The following PLXDC2 variants were observed in gnomAD, a reference collection of about 807,000 sequenced individuals.
The protein encoded by PLXDC2 is plexin domain-containing protein 2.
In PLXDC2, 40 loss-of-function variants were observed where a neutral mutation model predicts 68.9. The ratio of observed to expected loss-of-function variants is 0.58; its 90% CI spans 0.45 to 0.76. The LOEUF (loss-of-function observed/expected upper bound fraction) is 0.76. PLXDC2 is among the 30% of genes least tolerant of loss of function. The pLI is 0.00. For synonymous variants in PLXDC2, 243 were observed against 234.2 expected, an observed-to-expected ratio of 1.04 and a Z score of -0.34; for missense variants, 644 against 661.9, an observed-to-expected ratio of 0.97 and a Z score of 0.30.
At chr10:19,984,728 G>A (rs754640777) in intron 1 of PLXDC2, among the ~76,000 whole-genome samples, 5 of 152,126 alleles carry the variant, frequency 3.3e-5, no homozygotes, top group Non-Finnish European at 5.9e-5. Context: ...TGACAACAGT[G>A]TTTCTTCAAG....
chr10:19,910,274 G>T (rs1340549584), intron 1 of PLXDC2, among the ~76,000 whole-genome samples: 4 of 151,674 alleles, frequency 2.6e-5, no homozygotes, highest in Non-Finnish European at 5.9e-5. Flanking sequence ...AGGGAGTCAG[G>T]ATGCTGCTGC....
chr10:19,898,783 T>C (rs1255568479), intron 1 of PLXDC2, among the ~76,000 whole-genome samples: 2 of 152,128 alleles, frequency 1.3e-5, no homozygotes, highest in Admixed American at 6.6e-5. Context: ...AAATTTCTTA[T>C]ACGCAACAGA....
chr10:20,023,149 A>G (rs1438958883), intron 2 of PLXDC2, among the ~76,000 whole-genome samples: 1 of 149,386 alleles, frequency 6.7e-6, no homozygotes, highest in East Asian at 1.9e-4. Context: ...CAATGTTTAT[A>G]TATATATATT....
chr10:19,828,662 T>TGGAGC (rs1836622528), intron 1 of PLXDC2, among the ~76,000 whole-genome samples: 1 of 152,238 alleles, frequency 6.6e-6, no homozygotes, highest in South Asian at 2.1e-4. Flanking sequence ...TGTCTGGACA[T>TGGAGC]TGCAAAACAG....
intron 1 of PLXDC2, among the ~76,000 whole-genome samples, chr10:20,000,268 GTTTTT>G (rs557279192): frequency 1.3e-5 from 2 of 148,844 alleles, no homozygotes; most frequent in South Asian, 4.3e-4. Context: ...ATGTACATGA[GTTTTT>G]TTTTTTGTTT....
chr10:19,845,929 C>T (rs969012578), intron 1 of PLXDC2, among the ~76,000 whole-genome samples: 1 of 152,136 alleles, frequency 6.6e-6, no homozygotes, highest in Non-Finnish European at 1.5e-5. Flanking sequence ...TCCTTGGTCC[C>T]GTTTTAGTTA....
At chr10:20,044,251 T>TTCTTTCTTTCTTTCTTTCTTTC (rs1835753418) in intron 2 of PLXDC2, among the ~76,000 whole-genome samples, 1 of 127,702 alleles carries the variant, frequency 7.8e-6, no homozygotes, top group Non-Finnish European at 1.6e-5. Flanking sequence ...CTTTCTTTCT[T>TTCTTTCTTTCTTTCTTTCTTTC]TCTTTCTTTC....
At chr10:19,870,422 A>G (rs942201661) in intron 1 of PLXDC2, among the ~76,000 whole-genome samples, 7 of 141,360 alleles carry the variant, frequency 5.0e-5, no homozygotes, top group African/African-American at 8.0e-5. Flanking sequence ...TATAATTACT[A>G]TTACTTTTTT....
chr10:20,260,249 T>C (rs2119364366), intron 13 of PLXDC2, among the ~76,000 whole-genome samples: 1 of 152,320 alleles, frequency 6.6e-6, no homozygotes, highest in South Asian at 2.1e-4. Flanking sequence ...TACTGTGCAA[T>C]GCAATGTTGT....
At position 19,822,184 on chromosome 10, in the gene PLXDC2, C is replaced by A. The variant is rs76916336; in HGVS notation, c.112+4993C>A. On this transcript the variant is annotated intron_variant, in intron 1 of 13. Coordinates refer to ENST00000377252, the MANE Select transcript of PLXDC2 (RefSeq NM_032812.9). ...ATAATGTATATACACTATATATGCA[C>A]TATATAGTATATATGCACTATATAT... is the stretch of plus-strand genomic sequence containing the variant. Among the ~76,000 whole-genome samples, 50 of 149,058 alleles carry A rather than the reference C, an allele frequency of 3.4e-4. No individual in the cohort carries two copies. In the East Asian group the frequency reaches 5.5e-3, roughly 16 times the overall value.
At chr10:20,258,469 T>C (rs1404745016) in intron 13 of PLXDC2, among the ~76,000 whole-genome samples, 1 of 152,188 alleles carries the variant, frequency 6.6e-6, no homozygotes, top group East Asian at 1.9e-4. Context: ...TTTTTAAGTA[T>C]TTACCTTCAC....
In PLXDC2 at chr10:20,142,507, A is replaced by G. The variant is rs148477130; in HGVS notation, c.542-788A>G. 2.0e-3 allele frequency among the ~76,000 whole-genome samples: 298 copies of G among 152,250 alleles called. 13 individuals are homozygous for G. The East Asian group carries it at 0.054, about 28-fold the overall frequency. On this transcript the variant is annotated intron_variant, in intron 4 of 13. Coordinates refer to ENST00000377252, the MANE Select transcript of PLXDC2 (RefSeq NM_032812.9). Reference sequence around the variant, plus strand: ...CATGGATAATCCACAAAGTAAATAAACCTAGTGTGAATAATTGAAAGTGGG... The same window carrying G: ...CATGGATAATCCACAAAGTAAATAAGCCTAGTGTGAATAATTGAAAGTGGG...
rs148244434 is a variant in PLXDC2, at chr10:19,939,639, C to T, written c.113-62136C>T. On this transcript the variant is annotated intron_variant, in intron 1 of 13. Transcript: ENST00000377252. ...TTAAAAGGGCTGAAAATTTTTCCCT[C>T]TTCCTTTTTCTCCCTTTGGAAAAAT... 4.4e-3 allele frequency among the ~76,000 whole-genome samples: 675 copies of T among 152,252 alleles called. 4 individuals carry two copies. Among genetic ancestry groups the T allele is most frequent in the African/African-American group, 0.016 (650 of 41,564 alleles).
chr10:20,037,496 C>T (rs767224076), intron 2 of PLXDC2, among the ~76,000 whole-genome samples: 1 of 152,154 alleles, frequency 6.6e-6, no homozygotes, highest in African/African-American at 2.4e-5. Flanking sequence ...TCTCCTAATG[C>T]TCTATCTCAT....
intron 1 of PLXDC2, among the ~76,000 whole-genome samples, chr10:19,823,695 C>G (rs1280135170): frequency 6.6e-6 from 1 of 151,560 alleles, no homozygotes; most frequent in Non-Finnish European, 1.5e-5. Flanking sequence ...TCTCATAAAA[C>G]TTGTTTTGAG....
intron 4 of PLXDC2, among the ~76,000 whole-genome samples, chr10:20,138,043 C>G (rs1041562640): frequency 1.3e-5 from 2 of 152,164 alleles, no homozygotes; most frequent in Non-Finnish European, 2.9e-5. Context: ...ATTATCTTAT[C>G]TGTTTTTGTT....
intron 1 of PLXDC2, among the ~76,000 whole-genome samples, chr10:19,911,512 G>T (rs1386866844): frequency 2.0e-5 from 3 of 152,120 alleles, no homozygotes; most frequent in African/African-American, 7.2e-5. Flanking sequence ...AAAAAAGTAG[G>T]TATCAGCTTC....
At position 20,217,509 on chromosome 10, in the gene PLXDC2, G is replaced by C. The variant is rs1835154873; in HGVS notation, c.1206G>C (p.Gln402His). 1.9e-6 allele frequency: 3 copies of C among 1,605,988 alleles called. No homozygotes were observed. Among genetic ancestry groups the C allele is most frequent in the Non-Finnish European group, 2.6e-6 (3 of 1,176,322 alleles). The change falls in exon 11 of 14, where the codon CAG becomes CAC. Residue 402 changes from glutamine to histidine, a missense_variant. This residue lies in a region of PLXDC2 where 330 missense variants were observed against 327.9 expected (regional missense o/e 1.01). Transcript: ENST00000377252. ...TTTTVGATTT[Q>H]FRVLTTTRRA... ...CAACCGTAGGAGCGACAACCACCCA[G>C]TTCAGGGTCCTAACTACCACCAGAA...
intron 13 of PLXDC2, among the ~76,000 whole-genome samples, chr10:20,271,051 T>C (rs1387190885): frequency 2.0e-5 from 3 of 151,414 alleles, no homozygotes; most frequent in Non-Finnish European, 4.4e-5. Context: ...AAGAGTTGGG[T>C]CTTGTCAACA....
Sources: allele counts gnomAD v4.1 joint callset (sites outside exome capture counted in the v4.1 genomes callset), GRCh38; gene constraint gnomAD v4.1.1; regional missense constraint gnomAD v4.1.1; transcripts MANE v1.5; gene names NCBI Gene and HGNC (gene_info 2026-07-23, HGNC 2026-07-21).